RHOBTB1: variants seen among roughly 807,000 people sequenced by gnomAD.
RHOBTB1 encodes the protein rho-related BTB domain-containing protein 1.
A neutral mutation model predicts 71.6 loss-of-function variants in RHOBTB1; 40 were observed. The ratio of observed to expected loss-of-function variants is 0.56; its 90% confidence interval spans 0.43 to 0.73. The LOEUF (loss-of-function observed/expected upper bound fraction) is 0.73. Among genes scored for constraint, RHOBTB1 ranks in the 30% least tolerant of loss-of-function variants. The probability of loss-of-function intolerance (pLI) is 0.00; values close to 1 mark genes in which losing one functional copy is unlikely to be tolerated. For missense variants in RHOBTB1, 797 were observed against 894.0 expected (o/e 0.89, Z 1.38); for synonymous variants, 319 against 334.9 (o/e 0.95, Z 0.52).
the RHOBTB1 span, among the ~76,000 whole-genome samples, chr10:60,860,938 C>CCTCA: frequency 6.6e-6 from 1 of 152,178 alleles, no homozygotes; most frequent in African/African-American, 2.4e-5. Flanking sequence ...AGGCCAAAGA[C>CCTCA]TGAGTCTCAT....
In RHOBTB1 at chr10:60,944,016, G is replaced by A. The variant is rs1392816278; in HGVS notation, c.-107C>T. 1 of 151,838 alleles carries A rather than the reference G, an allele frequency of 6.6e-6. No homozygotes were observed. Among genetic ancestry groups the A allele is most frequent in the South Asian group, 2.1e-4 (1 of 4,830 alleles). The allele number at this position is 151,838 out of a possible 1,614,324, so 9.4% of individuals were successfully genotyped here. A position where few individuals can be genotyped will look rare whatever the true frequency, so the allele number is the denominator to read the frequency against. ...GAGCTCTCTCCGCCTTCAAGGGCCG[G>A]GGGGAGCGGGGGGGCCCCCGCCACT... On this transcript the variant is annotated 5_prime_UTR_variant, in exon 1 of 11. Transcript: ENST00000337910.
At chr10:60,877,370 A>G (rs1190239948) in intron 8 of RHOBTB1, among the ~76,000 whole-genome samples, 1 of 152,180 alleles carries the variant, frequency 6.6e-6, no homozygotes, top group Non-Finnish European at 1.5e-5. Context: ...AATCTCCATA[A>G]CAGCTCTATG....
At chr10:60,887,667 C>T (rs1452593808) in intron 6 of RHOBTB1, among the ~76,000 whole-genome samples, 1 of 152,194 alleles carries the variant, frequency 6.6e-6, no homozygotes, top group East Asian at 1.9e-4. Flanking sequence ...ACAGATGAGA[C>T]ACCCCTTGTA....
downstream of RHOBTB1, among the ~76,000 whole-genome samples, chr10:60,868,306 C>A (rs766058557): frequency 1.3e-5 from 2 of 152,098 alleles, no homozygotes; most frequent in Non-Finnish European, 2.9e-5. Context: ...TATCTATCAT[C>A]TATCTATCTA....
intron 2 of RHOBTB1, among the ~76,000 whole-genome samples, chr10:60,979,839 A>G (rs190841194): frequency 1.7e-4 from 26 of 152,316 alleles, no homozygotes; most frequent in African/African-American, 5.8e-4. Flanking sequence ...TGAACAAAAG[A>G]CTTCATGGAA....
At chr10:60,883,546 T>A (rs1379970470) in intron 7 of RHOBTB1, among the ~76,000 whole-genome samples, 1 of 152,230 alleles carries the variant, frequency 6.6e-6, no homozygotes, top group Non-Finnish European at 1.5e-5. Flanking sequence ...ACAATCAGCA[T>A]GCACTTCAGT....
chr10:60,951,237 A>T (rs2085398087), intron 2 of RHOBTB1, among the ~76,000 whole-genome samples: 1 of 152,204 alleles, frequency 6.6e-6, no homozygotes, highest in East Asian at 1.9e-4. Context: ...AGTGCTTTAG[A>T]AACACCAGTG....
At chr10:60,908,592 C>T (rs533569003) in intron 4 of RHOBTB1, among the ~76,000 whole-genome samples, 1 of 152,306 alleles carries the variant, frequency 6.6e-6, no homozygotes, top group Admixed American at 6.5e-5. Flanking sequence ...TTAAACAGCT[C>T]TCTCAGAGCC....
rs374588295 is a variant in RHOBTB1 at position 60,919,735 on chromosome 10, G to A, written c.-10-8183C>T. Among the ~76,000 whole-genome samples the A allele has an allele frequency of 3.9e-5, 6 of 152,302 alleles. No individual in the cohort carries two copies. The East Asian group carries it at 1.2e-3, about 29-fold the overall frequency. ...AGAACCACCTGCTGATATGAAAGAAGCACTTTTTACTACATCCGCTCATGA... is the reference window on the plus strand; with the variant it reads ...AGAACCACCTGCTGATATGAAAGAAACACTTTTTACTACATCCGCTCATGA... On this transcript the variant is annotated intron_variant, in intron 2 of 10. Coordinates refer to ENST00000337910, the MANE Select transcript of RHOBTB1 (RefSeq NM_014836.5).
At chr10:60,992,843 G>A (rs1445017674) in intron 1 of RHOBTB1, among the ~76,000 whole-genome samples, 1 of 152,056 alleles carries the variant, frequency 6.6e-6, no homozygotes, top group Non-Finnish European at 1.5e-5. Context: ...GACAAATAAA[G>A]CTGTCAATGT....
downstream of RHOBTB1, among the ~76,000 whole-genome samples, chr10:60,867,241 A>C (rs1042838708): frequency 6.6e-6 from 1 of 152,174 alleles, no homozygotes; most frequent in Non-Finnish European, 1.5e-5. Context: ...TGAATCATCA[A>C]ATCAAAGGAT....
chr10:60,944,705 G>T (rs554921604), upstream of RHOBTB1, among the ~76,000 whole-genome samples: 1 of 152,182 alleles, frequency 6.6e-6, no homozygotes, highest in Non-Finnish European at 1.5e-5. Flanking sequence ...CGGACTCCGA[G>T]GGAGGACATT....
At chr10:60,909,775 G>A (rs182964794) in intron 4 of RHOBTB1, among the ~76,000 whole-genome samples, 2 of 152,208 alleles carry the variant, frequency 1.3e-5, no homozygotes, top group East Asian at 3.9e-4. Flanking sequence ...GTTACCAAGG[G>A]GACATTAAAA....
intron 4 of RHOBTB1, among the ~76,000 whole-genome samples, chr10:60,897,920 G>A (rs2082237227): frequency 6.6e-6 from 1 of 152,048 alleles, no homozygotes; most frequent in African/African-American, 2.4e-5. Context: ...TGGCCAGGCT[G>A]GTCTTGAACT....
At position 60,921,961 on chromosome 10, in the gene RHOBTB1, G is replaced by C. The variant is rs114604709; in HGVS notation, c.-10-10409C>G. Among the ~76,000 whole-genome samples, 703 of 152,344 alleles carry C rather than the reference G, an allele frequency of 4.6e-3. 2 individuals carry two copies. Among genetic ancestry groups the C allele is most frequent in the African/African-American group, 0.016 (660 of 41,572 alleles). ...CCACACCCTTTCACCAAATGGGAAG[G>C]TGGTGGTGGGGAGGAGAGCCCCAGT... On this transcript the variant is annotated intron_variant, in intron 2 of 10. Coordinates refer to ENST00000337910, the MANE Select transcript of RHOBTB1 (RefSeq NM_014836.5).
chr10:60,999,462 C>T (rs1276258388), intron 1 of RHOBTB1, among the ~76,000 whole-genome samples: 1 of 152,150 alleles, frequency 6.6e-6, no homozygotes, highest in Admixed American at 6.6e-5. Flanking sequence ...AAGAACGACA[C>T]ACTTTGTTAT....
upstream of RHOBTB1, among the ~76,000 whole-genome samples, chr10:60,946,370 A>G (rs919309752): frequency 5.3e-5 from 8 of 152,184 alleles, no homozygotes; most frequent in Non-Finnish European, 7.4e-5. Context: ...CAGCTAAAAA[A>G]TAGGGTAGAA....
chr10:60,907,426 C>T (rs1394195229), intron 4 of RHOBTB1, among the ~76,000 whole-genome samples: 1 of 152,142 alleles, frequency 6.6e-6, no homozygotes, highest in Non-Finnish European at 1.5e-5. Context: ...GTCATGGTTA[C>T]TATGTATGGT....
intron 2 of RHOBTB1, among the ~76,000 whole-genome samples, chr10:60,963,935 A>T (rs879263500): frequency 1.3e-5 from 2 of 152,118 alleles, no homozygotes; most frequent in African/African-American, 4.8e-5. Flanking sequence ...TTTCAAAATG[A>T]ATTTCCAACT....
Sources: allele counts gnomAD v4.1 joint callset (sites outside exome capture counted in the v4.1 genomes callset), GRCh38; gene constraint gnomAD v4.1.1; transcripts MANE v1.5; gene names NCBI Gene and HGNC (gene_info 2026-07-23, HGNC 2026-07-21).